The following NRXN1 variants were observed in gnomAD, a reference collection of about 807,000 sequenced individuals.
NRXN1 encodes neurexin 1.
In NRXN1, 39 loss-of-function variants were observed where a neutral mutation model predicts 150.9. The observed-to-expected ratio is 0.26, with a 90% CI of 0.20 to 0.34. The LOEUF is 0.34. Ranked by LOEUF, NRXN1 falls within the 10% of genes least tolerant of loss-of-function variation. The pLI is 1.00. For synonymous variants in NRXN1, 924 were observed against 757.0 expected, an observed-to-expected ratio of 1.22 and a Z score of -3.62; for missense variants, 1,815 against 1,949.9, an observed-to-expected ratio of 0.93 and a Z score of 1.30.
At chr2:50,057,343 G>T (rs1693814181) in intron 19 of NRXN1, among the ~76,000 whole-genome samples, 1 of 151,992 alleles carries the variant, frequency 6.6e-6, no homozygotes, top group Admixed American at 6.6e-5. Flanking sequence ...ACTCTCCCTT[G>T]TTCCCACCTC....
intron 17 of NRXN1, among the ~76,000 whole-genome samples, chr2:50,426,470 T>C (rs913905162): frequency 3.3e-5 from 5 of 152,236 alleles, no homozygotes; most frequent in Non-Finnish European, 7.3e-5. Flanking sequence ...ATAGCATGCG[T>C]ACTGCACAAA....
intron 8 of NRXN1, among the ~76,000 whole-genome samples, chr2:50,598,253 C>A (rs574478782): frequency 3.3e-5 from 5 of 152,214 alleles, no homozygotes; most frequent in African/African-American, 1.2e-4. Context: ...ATCCAGTACT[C>A]TTCCTGCCAC....
intron 5 of NRXN1, among the ~76,000 whole-genome samples, chr2:50,832,654 C>A (rs113084378): frequency 2.0e-5 from 3 of 151,286 alleles, no homozygotes; most frequent in Non-Finnish European, 4.4e-5. Flanking sequence ...AGTGAGATCC[C>A]GTCTCAAAAA....
Position 49,921,218 on chromosome 2 carries a change from A to G in NRXN1, c.*726T>C, listed in dbSNP as rs1013997948. 2.0e-5 allele frequency: 3 copies of G among 152,654 alleles called. No homozygotes were observed. The highest frequency in any genetic ancestry group is 4.4e-5 in the Non-Finnish European group (3 of 68,046). The allele number at this position is 152,654 out of a possible 1,614,324, so 9.5% of individuals were successfully genotyped here. On this transcript the variant is annotated 3_prime_UTR_variant, in exon 23 of 23. Coordinates refer to ENST00000401669, the MANE Select transcript of NRXN1 (RefSeq NM_001330078.2). ...TATAAACATATGTAATAACATAATA[A>G]GCGTGCATGAAAATTTCCCAATGAT... is the stretch of plus-strand genomic sequence containing the variant.
At chr2:50,312,714 C>T (rs1348809386) in intron 17 of NRXN1, 1 of 515,146 alleles carries the variant, frequency 1.9e-6, no homozygotes, top group Non-Finnish European at 3.9e-6. Context: ...CTAGAAAATG[C>T]TTCTATCAGA....
intron 5 of NRXN1, among the ~76,000 whole-genome samples, chr2:50,807,533 G>A (rs1667662445): frequency 6.6e-6 from 1 of 152,154 alleles, no homozygotes; most frequent in East Asian, 1.9e-4. Context: ...GAAAGTGCAT[G>A]AATGGAAGAT....
intron 5 of NRXN1, among the ~76,000 whole-genome samples, chr2:50,692,220 T>C (rs1692184247): frequency 6.6e-6 from 1 of 152,200 alleles, no homozygotes; most frequent in South Asian, 2.1e-4. Context: ...AAAAGCAGGC[T>C]CTATTTCATA....
intron 18 of NRXN1, among the ~76,000 whole-genome samples, chr2:50,152,495 C>A (rs193147995): frequency 2.3e-4 from 35 of 151,856 alleles, no homozygotes; most frequent in Admixed American, 2.0e-3. Context: ...TAGTAACAAA[C>A]CCTACTTACA....
At chr2:50,724,652 T>G (rs914327468) in intron 5 of NRXN1, among the ~76,000 whole-genome samples, 2 of 152,090 alleles carry the variant, frequency 1.3e-5, no homozygotes, top group African/African-American at 4.8e-5. Flanking sequence ...TGGGAGATTA[T>G]ATATAATATA....
chr2:50,995,255 A>T (rs1027611042), intron 2 of NRXN1, among the ~76,000 whole-genome samples: 3 of 151,998 alleles, frequency 2.0e-5, no homozygotes, highest in Admixed American at 2.0e-4. Context: ...CACAGAGAGT[A>T]GTTGGGACAA....
chr2:50,644,044 G>A (rs72835400), intron 5 of NRXN1, among the ~76,000 whole-genome samples: 19,095 of 151,134 alleles, frequency 0.13, 1,621 homozygotes, highest in Admixed American at 0.2. Flanking sequence ...TATTTTGGTT[G>A]TGCTTTGTAC....
At chr2:50,614,660 A>AT (rs1559021987) in intron 8 of NRXN1, among the ~76,000 whole-genome samples, 72 of 142,596 alleles carry the variant, frequency 5.0e-4, no homozygotes, top group African/African-American at 1.8e-3. Context: ...TATATATATA[A>AT]AATAAAAAAA....
chr2:49,957,873 C>A (rs567995738), intron 21 of NRXN1, among the ~76,000 whole-genome samples: 1 of 152,138 alleles, frequency 6.6e-6, no homozygotes, highest in African/African-American at 2.4e-5. Flanking sequence ...CTTGCTCCTT[C>A]TACTCCTCCT....
Position 50,659,774 on chromosome 2 carries a change from C to A in NRXN1, c.833-36159G>T, listed in dbSNP as rs1461634791. On this transcript the variant is annotated intron_variant, in intron 5 of 22. Coordinates refer to ENST00000401669, the MANE Select transcript of NRXN1 (RefSeq NM_001330078.2). Reference sequence around the variant, plus strand: ...ATCCACAACTTTTAAAAATTTTCAACAGGACTTCCCTTTCTGAAAGTTAAT... The same window carrying A: ...ATCCACAACTTTTAAAAATTTTCAAAAGGACTTCCCTTTCTGAAAGTTAAT... Among the ~76,000 whole-genome samples the A allele has an allele frequency of 3.3e-5, 5 of 150,110 alleles. No individual in the cohort carries two copies. The East Asian group carries it at 9.9e-4, about 30-fold the overall frequency.
chr2:50,885,782 T>C (rs998769100), intron 5 of NRXN1, among the ~76,000 whole-genome samples: 1 of 150,432 alleles, frequency 6.6e-6, no homozygotes, highest in African/African-American at 2.4e-5. Context: ...GATAGGTGTC[T>C]TTTTGCTCAG....
chr2:50,153,284 T>C (rs1381901188), intron 18 of NRXN1, among the ~76,000 whole-genome samples: 3 of 151,804 alleles, frequency 2.0e-5, no homozygotes, highest in East Asian at 1.9e-4. Context: ...TTTAAGACAA[T>C]TGTTTTAAAG....
chr2:50,182,996 T>C (rs1290368863), intron 18 of NRXN1, among the ~76,000 whole-genome samples: 1 of 152,076 alleles, frequency 6.6e-6, no homozygotes, highest in Non-Finnish European at 1.5e-5. Context: ...TCTAACAATG[T>C]ATACATACCA....
At chr2:50,638,686 A>G (rs889071775) in intron 5 of NRXN1, among the ~76,000 whole-genome samples, 2 of 152,144 alleles carry the variant, frequency 1.3e-5, no homozygotes, top group Non-Finnish European at 2.9e-5. Flanking sequence ...TTGTGGGTAA[A>G]CCAAATACCA....
chr2:50,406,411 T>C (rs2082753043), intron 17 of NRXN1, among the ~76,000 whole-genome samples: 1 of 152,170 alleles, frequency 6.6e-6, no homozygotes, highest in South Asian at 2.1e-4. Context: ...AGGATTTTGA[T>C]TGTCCTTTCC....
Sources: gnomAD v4.1 joint callset for allele counts (sites outside exome capture counted in the v4.1 genomes callset) on GRCh38, gnomAD v4.1.1 for gene constraint, MANE v1.5 for transcripts, NCBI Gene and HGNC (gene_info 2026-07-23, HGNC 2026-07-21) for gene names.